Variants in GPR107 observed in about 807,000 individuals in gnomAD.
GPR107 encodes the protein G protein-coupled receptor 107, also known as protein GPR107.
A neutral mutation model predicts 75.5 loss-of-function variants in GPR107; 31 were observed. The ratio of observed to expected loss-of-function variants is 0.41; its 90% CI spans 0.31 to 0.55. GPR107 has a LOEUF of 0.55. Among genes scored for constraint, GPR107 ranks in the 20% least tolerant of loss-of-function variants. The pLI, the probability that GPR107 is intolerant of heterozygous loss-of-function variation, is 0.26. For missense variants in GPR107, 572 were observed against 665.7 expected (o/e 0.86, Z 1.55); for synonymous variants, 267 against 251.3 (o/e 1.06, Z -0.59).
intron 9 of GPR107, among the ~76,000 whole-genome samples, chr9:130,093,686 G>C (rs1185539519): frequency 6.6e-6 from 1 of 152,112 alleles, no homozygotes; most frequent in African/African-American, 2.4e-5. Context: ...CAATTACTAA[G>C]AAAAATCCTA....
chr9:130,066,438 C>A (rs746995474), intron 1 of GPR107, among the ~76,000 whole-genome samples: 1 of 151,994 alleles, frequency 6.6e-6, no homozygotes, highest in African/African-American at 2.4e-5. Context: ...TGCCTCATCT[C>A]GGGCCCATTG....
rs773976959 is a variant in GPR107 at position 130,090,893 on chromosome 9, C to T, written c.639C>T (p.Ser213=). ...AVSFQFFFNI[S]TDDQEGLYSL... is the part of the protein sequence containing the mutation. ...ACTTTCAGTTTTTCTTTAACATCAGCACTGATGACCAAGAAGGCCTTTACA... is the reference window on the plus strand; with the variant it reads ...ACTTTCAGTTTTTCTTTAACATCAGTACTGATGACCAAGAAGGCCTTTACA... Residue 213 remains serine, a synonymous_variant, in exon 8 of 18, where the codon AGC becomes AGT. Coordinates refer to ENST00000347136, the MANE Select transcript of GPR107 (RefSeq NM_020960.5). 5.0e-6 allele frequency: 7 copies of T among 1,402,198 alleles called. No homozygotes were observed. Among genetic ancestry groups the T allele is most frequent in the Non-Finnish European group, 7.1e-6 (7 of 988,424 alleles). 86.9% of individuals were successfully genotyped at this position (1,402,198 alleles called of 1,614,324 possible).
intron 1 of GPR107, among the ~76,000 whole-genome samples, chr9:130,059,205 A>G (rs768103746): frequency 2.0e-5 from 3 of 152,186 alleles, no homozygotes; most frequent in Non-Finnish European, 4.4e-5. Context: ...ATTTTAAAGC[A>G]TATTGGCTGG....
In GPR107 at chr9:130,135,361, GGGA is replaced by G. The variant is rs1284857273; in HGVS notation, c.*248_*250del. 5 of 448,472 alleles carry G rather than the reference GGGA, an allele frequency of 1.1e-5. No homozygotes were observed. Among genetic ancestry groups the G allele is most frequent in the African/African-American group, 2.0e-5 (1 of 49,122 alleles). 27.8% of individuals were successfully genotyped at this position (448,472 alleles called of 1,614,324 possible). ...AGGCGGGAATGGGAGGGCGGGCACAGGGAGGAGGAGAGGAAGAGAAAAGGAAGA... is the reference window on the plus strand; with the variant it reads ...AGGCGGGAATGGGAGGGCGGGCACAGGGAGGAGAGGAAGAGAAAAGGAAGA... On this transcript the variant is annotated 3_prime_UTR_variant, in exon 18 of 18. Coordinates refer to ENST00000347136, the MANE Select transcript of GPR107 (RefSeq NM_020960.5).
At chr9:130,110,303 TC>T in intron 14 of GPR107, 1 of 937,206 alleles carries the variant, frequency 1.1e-6, no homozygotes, top group Non-Finnish European at 1.7e-6. Context: ...AAGGGTAACT[TC>T]CTTTAACAGG....
Position 130,138,089 on chromosome 9 carries a change from T to G in GPR107, c.*2968T>G, listed in dbSNP as rs1022978030. ...TAACAGTGAGTGGCCAAGGACTTGA[T>G]CAGCCCATTTCTTGGTCCCTCAGTG... On this transcript the variant is annotated 3_prime_UTR_variant, in exon 18 of 18. Transcript: ENST00000347136. 15 of 152,244 alleles carry G rather than the reference T, an allele frequency of 9.9e-5. No homozygotes were observed. The highest frequency in any genetic ancestry group is 3.6e-4 in the African/African-American group (15 of 41,454). The allele number at this position is 152,244 out of a possible 1,614,324, so 9.4% of individuals were successfully genotyped here. A position where few individuals can be genotyped will look rare whatever the true frequency, so the allele number is the denominator to read the frequency against.
At position 130,139,200 on chromosome 9, in the gene GPR107, C is replaced by T. The variant is rs1402796755; in HGVS notation, c.*4079C>T. The T allele has an allele frequency of 3.3e-5, 5 of 152,158 alleles. No homozygotes were observed. Among genetic ancestry groups the T allele is most frequent in the Admixed American group, 6.5e-5 (1 of 15,280 alleles). 9.4% of individuals were successfully genotyped at this position (152,158 alleles called of 1,614,324 possible). On this transcript the variant is annotated 3_prime_UTR_variant, in exon 18 of 18. Coordinates refer to ENST00000347136, the MANE Select transcript of GPR107 (RefSeq NM_020960.5). Reference sequence around the variant, plus strand: ...GGATTCAGCAAGTTAATGGCTTCCTCGCTATAGAAGTGAGACTTTGACTTG... The same window carrying T: ...GGATTCAGCAAGTTAATGGCTTCCTTGCTATAGAAGTGAGACTTTGACTTG...
intron 1 of GPR107, among the ~76,000 whole-genome samples, chr9:130,067,747 G>GT (rs1830102503): frequency 1.9e-5 from 1 of 51,772 alleles, no homozygotes; most frequent in South Asian, 9.8e-4. Context: ...CCCCCCCACC[G>GT]CCCCCTTTTT....
At chr9:130,128,210 G>T (rs1182860646) in intron 16 of GPR107, among the ~76,000 whole-genome samples, 1 of 152,246 alleles carries the variant, frequency 6.6e-6, no homozygotes, top group Admixed American at 6.5e-5. Flanking sequence ...ACAGGGCTGA[G>T]TAGTTAGAAT....
intron 7 of GPR107, among the ~76,000 whole-genome samples, chr9:130,088,065 A>G (rs1830655824): frequency 6.6e-6 from 1 of 152,150 alleles, no homozygotes; most frequent in African/African-American, 2.4e-5. Flanking sequence ...ATCCTTATTA[A>G]TAGCTAACGG....
chr9:130,054,147 AT>A (rs1283061322), intron 1 of GPR107, 74 bp downstream of exon 1: 2 of 1,370,588 alleles, frequency 1.5e-6, no homozygotes, highest in Non-Finnish European at 2.0e-6. Flanking sequence ...ACTTTGGCCC[AT>A]TGGGGACCTC....
intron 1 of GPR107, among the ~76,000 whole-genome samples, chr9:130,071,035 C>CTTTTTTTTTTTT (rs56799662): frequency 5.1e-5 from 5 of 98,178 alleles, no homozygotes; most frequent in Non-Finnish European, 9.1e-5. Flanking sequence ...TTTTTTTTTT[C>CTTTTTTTTTTTT]TTTTTTTTTT....
At chr9:130,062,540 G>T (rs1829952198) in intron 1 of GPR107, among the ~76,000 whole-genome samples, 1 of 151,822 alleles carries the variant, frequency 6.6e-6, no homozygotes, top group East Asian at 1.9e-4. Context: ...AGGCACTAGA[G>T]ATATACAAAT....
chr9:130,092,042 C>T (rs1485641618), intron 8 of GPR107, among the ~76,000 whole-genome samples: 1 of 151,888 alleles, frequency 6.6e-6, no homozygotes, highest in Non-Finnish European at 1.5e-5. Context: ...CCATGTTGGC[C>T]AGGCTGGTGT....
intron 1 of GPR107, among the ~76,000 whole-genome samples, chr9:130,055,006 C>T (rs1175136327): frequency 6.6e-6 from 1 of 151,994 alleles, no homozygotes; most frequent in Admixed American, 6.6e-5. Flanking sequence ...TCACTTGAGC[C>T]TAGGAGGTTG....
chr9:130,113,207 G>A (rs1334084059), intron 14 of GPR107, among the ~76,000 whole-genome samples: 1 of 150,246 alleles, frequency 6.7e-6, no homozygotes, highest in African/African-American at 2.4e-5. Flanking sequence ...GTTTATCCCT[G>A]TCAGCCTGAC....
chr9:130,100,080 A>G (rs1315696218), intron 10 of GPR107, among the ~76,000 whole-genome samples: 2 of 151,400 alleles, frequency 1.3e-5, no homozygotes, highest in African/African-American at 4.9e-5. Context: ...TATTTTTAGT[A>G]GAGACGGGGT....
At chr9:130,133,987 T>G (rs1831892799) in intron 17 of GPR107, among the ~76,000 whole-genome samples, 3 of 152,160 alleles carry the variant, frequency 2.0e-5, no homozygotes, top group Non-Finnish European at 4.4e-5. Context: ...TGTTGCCATT[T>G]GTAGGGGAAG....
At chr9:130,117,508 A>G (rs769958737) in intron 14 of GPR107, among the ~76,000 whole-genome samples, 3 of 152,000 alleles carry the variant, frequency 2.0e-5, no homozygotes, top group South Asian at 2.1e-4. Context: ...CTTTCTGGTG[A>G]CTGAGAGAAG....
Sources: allele counts gnomAD v4.1 joint callset (sites outside exome capture counted in the v4.1 genomes callset), GRCh38; gene constraint gnomAD v4.1.1; transcripts MANE v1.5; gene names NCBI Gene and HGNC (gene_info 2026-07-23, HGNC 2026-07-21).